NTSR1: variants seen among roughly 807,000 people sequenced by gnomAD.
The protein encoded by NTSR1 is neurotensin receptor type 1.
In NTSR1, 29 loss-of-function variants were observed where a neutral mutation model predicts 31.2. The observed-to-expected ratio is 0.93, with a 90% CI of 0.69 to 1.27. NTSR1 has a LOEUF of 1.27. Ranked by LOEUF, NTSR1 falls within the 50% of genes most tolerant of loss-of-function variation. The pLI is 0.00. For synonymous variants in NTSR1, 282 were observed against 269.9 expected, an observed-to-expected ratio of 1.04 and a Z score of -0.44; for missense variants, 697 against 595.4, an observed-to-expected ratio of 1.17 and a Z score of -1.78.
chr20:62,754,945 G>C (rs1034599225), intron 2 of NTSR1, 59 bp downstream of exon 2: 1 of 1,470,018 alleles, frequency 6.8e-7, no homozygotes, highest in Non-Finnish European at 9.1e-7. Context: ...CAAAGGCAGC[G>C]AGCGCTGAAC....
chr20:62,757,965 C>T (rs906416774), intron 2 of NTSR1, among the ~76,000 whole-genome samples: 9 of 151,654 alleles, frequency 5.9e-5, no homozygotes, highest in Admixed American at 1.3e-4. Context: ...TCTGAGCCCA[C>T]GCCTCTGTGC....
At position 62,735,672 on chromosome 20, in the gene NTSR1, C is replaced by T. The variant is rs565750600; in HGVS notation, c.715-19013C>T. Among the ~76,000 whole-genome samples the T allele has an allele frequency of 6.7e-4, 102 of 152,340 alleles. 1 individual carries two copies. Among genetic ancestry groups the T allele is most frequent in the South Asian group, 1.9e-3 (9 of 4,830 alleles). On this transcript the variant is annotated intron_variant, in intron 1 of 3. Transcript: ENST00000370501. ...GCCTCCCCCATGCTCCCCTGGAGGC[C>T]GCTCCCTGGCTTGGGGGGTGGGTAA...
intron 1 of NTSR1, among the ~76,000 whole-genome samples, chr20:62,730,085 A>G (rs1988978081): frequency 6.6e-6 from 1 of 152,118 alleles, no homozygotes; most frequent in Non-Finnish European, 1.5e-5. Context: ...GTTACAATTA[A>G]TGAGCCAATA....
At chr20:62,752,286 G>C (rs548066027) in intron 1 of NTSR1, among the ~76,000 whole-genome samples, 1 of 152,222 alleles carries the variant, frequency 6.6e-6, no homozygotes, top group South Asian at 2.1e-4. Context: ...TTGTGGAGGT[G>C]GGGGGCAGCT....
At chr20:62,748,332 ATT>A (rs1465863244) in intron 1 of NTSR1, among the ~76,000 whole-genome samples, 1 of 152,228 alleles carries the variant, frequency 6.6e-6, no homozygotes, top group African/African-American at 2.4e-5. Flanking sequence ...AAGAATTCAT[ATT>A]GTTAAAATTT....
intron 1 of NTSR1, among the ~76,000 whole-genome samples, chr20:62,749,505 A>T (rs915592207): frequency 6.6e-6 from 1 of 152,246 alleles, no homozygotes; most frequent in Non-Finnish European, 1.5e-5. Flanking sequence ...GCAAAAACAC[A>T]GGCAACAAAA....
rs2273075 is a variant in NTSR1 at position 62,754,880 on chromosome 20, G to C, written c.910G>C (p.Val304Leu). 1.3e-6 allele frequency: 2 copies of C among 1,597,290 alleles called. No homozygotes were observed. The highest frequency in any genetic ancestry group is 1.7e-6 in the Non-Finnish European group (2 of 1,176,458). The stretch of plus-strand genomic sequence containing the variant: ...CCAGGCCCTGCGGCACGGCGTGCGC[G>C]TCCTACGTACGTAACCTCTGGGCCC... ...RVQALRHGVRVLRAVVIAFVV... is the reference protein window; with the variant it reads ...RVQALRHGVRLLRAVVIAFVV... The change falls in exon 2 of 4, where the codon GTC becomes CTC. Residue 304 changes from valine to leucine, a missense_variant. Physicochemically the swap from Val to Leu is conservative, Grantham distance 32 (BLOSUM62 1). Transcript: ENST00000370501.
intron 1 of NTSR1, among the ~76,000 whole-genome samples, chr20:62,749,255 CA>C (rs1255257611): frequency 7.2e-5 from 11 of 152,274 alleles, no homozygotes; most frequent in African/African-American, 2.6e-4. Flanking sequence ...TCCTGGCTAA[CA>C]CGGTGAAACC....
intron 1 of NTSR1, among the ~76,000 whole-genome samples, chr20:62,713,921 G>A (rs772605557): frequency 4.6e-5 from 7 of 152,114 alleles, no homozygotes; most frequent in Non-Finnish European, 8.8e-5. Context: ...CCAACATGGC[G>A]AAAACCCATC....
Position 62,709,696 on chromosome 20 carries a change from T to C in NTSR1, c.489T>C (p.Ser163=), listed in dbSNP as rs761691899. 1.2e-6 allele frequency: 2 copies of C among 1,612,642 alleles called. No homozygotes were observed. The highest frequency in any genetic ancestry group is 3.3e-5 in the Admixed American group (2 of 60,010). Residue 163 remains serine (S), a synonymous_variant, in exon 1 of 4, where the codon AGT becomes AGC. Coordinates refer to ENST00000370501, the MANE Select transcript of NTSR1 (RefSeq NM_002531.3). ...YATALNVASL[S]VERYLAICHP... is the part of the protein sequence containing the mutation. ...CGGCCCTCAACGTGGCCAGCCTGAG[T>C]GTGGAGCGCTACCTGGCCATCTGCC...
rs45613333 is a variant in NTSR1, at chr20:62,760,162, G to A, written c.1152G>A (p.Pro384=). The change falls in exon 4 of 4, where the codon CCG becomes CCA. Residue 384 remains proline (P), a synonymous_variant. Coordinates refer to ENST00000370501, the MANE Select transcript of NTSR1 (RefSeq NM_002531.3). ...TGGCCACACTGGCCTGCCTCTGCCC[G>A]GTGTGGCGGCGCAGGAGGAAGAGGC... The part of the protein sequence containing the change: ...IFLATLACLC[P]VWRRRRKRPA... 12,499 of 1,614,092 alleles carry A rather than the reference G, an allele frequency of 7.7e-3. 70 individuals are homozygous for A. Among genetic ancestry groups the A allele is most frequent in the Middle Eastern group, 0.021 (126 of 6,062 alleles).
At chr20:62,751,821 T>TCCAGG (rs1392241935) in intron 1 of NTSR1, among the ~76,000 whole-genome samples, 1 of 152,196 alleles carries the variant, frequency 6.6e-6, no homozygotes, top group Non-Finnish European at 1.5e-5. Flanking sequence ...CTTCCTGTGG[T>TCCAGG]CCAGGCCGTC....
At chr20:62,737,391 C>T (rs1989115351) in intron 1 of NTSR1, among the ~76,000 whole-genome samples, 1 of 152,212 alleles carries the variant, frequency 6.6e-6, no homozygotes, top group Non-Finnish European at 1.5e-5. Flanking sequence ...CCCTAGGATG[C>T]GTGTCCAGAG....
At chr20:62,730,327 G>A (rs1246038612) in intron 1 of NTSR1, among the ~76,000 whole-genome samples, 4 of 152,108 alleles carry the variant, frequency 2.6e-5, no homozygotes, top group South Asian at 2.1e-4. Flanking sequence ...TACCCAGAAC[G>A]TCACACAGCT....
rs1989008998 is a variant in NTSR1, at chr20:62,732,031, A to G, written c.714+22110A>G. Among the ~76,000 whole-genome samples the G allele has an allele frequency of 6.6e-6, 1 of 152,092 alleles. No homozygotes were observed. Among genetic ancestry groups the G allele is most frequent in the African/African-American group, 2.4e-5 (1 of 41,394 alleles). On this transcript the variant is annotated intron_variant, in intron 1 of 3. Coordinates refer to ENST00000370501, the MANE Select transcript of NTSR1 (RefSeq NM_002531.3). This position sits in a 1 kb window ranked among gnomAD's most constrained non-coding sequence, Gnocchi z 4.0. ...AGTACTCAAGAGGCTGAGGCAGGAG[A>G]ATCACTTGAACCCAGGAGGCAGAGG...
intron 1 of NTSR1, among the ~76,000 whole-genome samples, chr20:62,718,711 A>G (rs950701523): frequency 2.6e-4 from 40 of 151,924 alleles, no homozygotes; most frequent in African/African-American, 9.7e-4. Flanking sequence ...GTTCCTTTTT[A>G]TTGTGCAGTC....
At chr20:62,713,146 G>A (rs1044226186) in intron 1 of NTSR1, among the ~76,000 whole-genome samples, 11 of 152,340 alleles carry the variant, frequency 7.2e-5, no homozygotes, top group Non-Finnish European at 1.0e-4. Context: ...CTGAGCAGCC[G>A]TGAGGACTCC....
intron 2 of NTSR1, among the ~76,000 whole-genome samples, chr20:62,757,974 G>A (rs1989540879): frequency 6.6e-6 from 1 of 151,610 alleles, no homozygotes; most frequent in Non-Finnish European, 1.5e-5. Flanking sequence ...ACGCCTCTGT[G>A]CCTCAGGTGC....
chr20:62,725,107 A>G (rs1988883603), intron 1 of NTSR1, among the ~76,000 whole-genome samples: 1 of 152,232 alleles, frequency 6.6e-6, no homozygotes, highest in Non-Finnish European at 1.5e-5. Flanking sequence ...CTCTCCCGGC[A>G]GACAAGTGCT....
Sources: allele counts gnomAD v4.1 joint callset (sites outside exome capture counted in the v4.1 genomes callset), GRCh38; gene constraint gnomAD v4.1.1; non-coding constraint Gnocchi (gnomAD v3.1); transcripts MANE v1.5; gene names NCBI Gene and HGNC (gene_info 2026-07-23, HGNC 2026-07-21).